PTPRN2: variants seen among roughly 807,000 people sequenced by gnomAD.
The protein encoded by PTPRN2 is receptor-type tyrosine-protein phosphatase N2.
In PTPRN2, 74 loss-of-function variants were observed where a neutral mutation model predicts 118.8. That is an observed-to-expected ratio of 0.62 (90% CI 0.52 to 0.76). The LOEUF is 0.76. Ranked by LOEUF, PTPRN2 falls within the 30% of genes least tolerant of loss-of-function variation. The probability of loss-of-function intolerance (pLI) is 0.00; values close to 1 mark genes in which losing one functional copy is unlikely to be tolerated. For synonymous variants in PTPRN2, 641 were observed against 608.0 expected (o/e 1.05, Z -0.80); for missense variants, 1,481 against 1,394.4 (o/e 1.06, Z -0.99).
chr7:158,523,544 T>C (rs1473599268), intron 1 of PTPRN2, among the ~76,000 whole-genome samples: 3,519 of 46,706 alleles, frequency 0.075, 844 homozygotes, highest in South Asian at 0.21. Context: ...TGCCCTGGAA[T>C]GGAGTCCTCT....
intron 2 of PTPRN2, among the ~76,000 whole-genome samples, chr7:158,470,838 A>G (rs935810952): frequency 2.1e-5 from 3 of 143,940 alleles, no homozygotes; most frequent in African/African-American, 7.6e-5. Context: ...GATCACATGG[A>G]TTTTTTTTTT....
chr7:157,718,367 T>G (rs1382548607), intron 12 of PTPRN2, among the ~76,000 whole-genome samples: 3 of 152,206 alleles, frequency 2.0e-5, no homozygotes, highest in Non-Finnish European at 4.4e-5. Context: ...GCACGGACTT[T>G]CCTGGAGCTC....
intron 7 of PTPRN2, among the ~76,000 whole-genome samples, chr7:158,137,908 C>T (rs982568848): frequency 6.6e-6 from 1 of 152,164 alleles, no homozygotes; most frequent in Non-Finnish European, 1.5e-5. Flanking sequence ...CCAGCAGCCT[C>T]AGAGGACCAA....
At chr7:158,263,643 G>A (rs1046480782) in intron 3 of PTPRN2, among the ~76,000 whole-genome samples, 12 of 152,176 alleles carry the variant, frequency 7.9e-5, no homozygotes, top group South Asian at 2.1e-4. Flanking sequence ...TTCCTCTCCC[G>A]GGCATTCCAG....
intron 13 of PTPRN2, among the ~76,000 whole-genome samples, chr7:157,662,810 C>CT (rs1409751311): frequency 1.3e-5 from 2 of 152,316 alleles, no homozygotes; most frequent in African/African-American, 4.8e-5. Flanking sequence ...GGCGAGCCTT[C>CT]TTTTTGGACA....
intron 12 of PTPRN2, among the ~76,000 whole-genome samples, chr7:157,758,702 G>A (rs1042948427): frequency 4.3e-5 from 6 of 141,132 alleles, no homozygotes; most frequent in South Asian, 2.6e-4. Flanking sequence ...CCTGACCCCC[G>A]CCCATCCACC....
chr7:157,736,155 C>T (rs1800285632), intron 12 of PTPRN2, among the ~76,000 whole-genome samples: 1 of 152,220 alleles, frequency 6.6e-6, no homozygotes, highest in African/African-American at 2.4e-5. Flanking sequence ...CACCCGATCA[C>T]ACCAGCCCGA....
chr7:157,615,457 C>A lies in PTPRN2; in HGVS notation c.2344+5905G>T, dbSNP rs1802700864. On this transcript the variant is annotated intron_variant, in intron 15 of 22. Coordinates refer to ENST00000389418, the MANE Select transcript of PTPRN2 (RefSeq NM_002847.5). This position sits in a 1 kb window ranked among gnomAD's most constrained non-coding sequence, Gnocchi z 4.3. Reference sequence around the variant, plus strand: ...TGAAAAGGAGGTGTTTAGCCCCGAGCCTCACGTGGAAACATCTGATGAGCC... The same window carrying A: ...TGAAAAGGAGGTGTTTAGCCCCGAGACTCACGTGGAAACATCTGATGAGCC... 4.2e-6 allele frequency: 2 copies of A among 471,090 alleles called. No individual in the cohort carries two copies. Among genetic ancestry groups the A allele is most frequent in the South Asian group, 3.1e-5 (2 of 64,572 alleles). 29.2% of individuals were successfully genotyped at this position (471,090 alleles called of 1,614,324 possible).
intron 14 of PTPRN2, among the ~76,000 whole-genome samples, chr7:157,643,045 C>T (rs911185314): frequency 2.0e-5 from 3 of 152,162 alleles, no homozygotes; most frequent in Non-Finnish European, 2.9e-5. Flanking sequence ...TATGATGGGG[C>T]TATGGCAGGA....
chr7:158,374,024 C>G (rs959260202), intron 2 of PTPRN2, among the ~76,000 whole-genome samples: 7 of 152,240 alleles, frequency 4.6e-5, no homozygotes, highest in African/African-American at 1.7e-4. Flanking sequence ...GATGACTGTT[C>G]CCACGGTGGC....
intron 2 of PTPRN2, among the ~76,000 whole-genome samples, chr7:158,403,514 G>A (rs1813104763): frequency 6.6e-6 from 1 of 152,236 alleles, no homozygotes; most frequent in Non-Finnish European, 1.5e-5. Context: ...CGTGCCCGGA[G>A]CAAGCACATT....
chr7:157,975,973 G>A (rs567988772), intron 11 of PTPRN2, among the ~76,000 whole-genome samples: 5 of 152,288 alleles, frequency 3.3e-5, no homozygotes, highest in East Asian at 1.9e-4. Flanking sequence ...TACCCCATGC[G>A]ATGTGGAGAG....
chr7:158,500,408 G>A (rs1822274689), intron 1 of PTPRN2, among the ~76,000 whole-genome samples: 1 of 152,176 alleles, frequency 6.6e-6, no homozygotes, highest in Non-Finnish European at 1.5e-5. Flanking sequence ...CAGGTTAATT[G>A]ACACAGAACA....
rs537323343 is a variant in PTPRN2 at position 157,764,011 on chromosome 7, G to A, written c.1789-81074C>T. ...AGGGAAGCTTTAGTCGCAGCCACAT[G>A]AGTGGAGCATGTGGAGGCTAGGAGA... On this transcript the variant is annotated intron_variant, in intron 12 of 22. Transcript: ENST00000389418. This position sits in a 1 kb window ranked among gnomAD's most constrained non-coding sequence, Gnocchi z 4.5. Among the ~76,000 whole-genome samples the A allele has an allele frequency of 4.6e-5, 7 of 152,332 alleles. No individual in the cohort carries two copies. The East Asian group carries it at 1.2e-3, about 25-fold the overall frequency.
chr7:157,595,051 A>T (rs1163390065), intron 17 of PTPRN2, among the ~76,000 whole-genome samples, 187 bp downstream of exon 17: 1 of 152,236 alleles, frequency 6.6e-6, no homozygotes, highest in African/African-American at 2.4e-5. Flanking sequence ...ATTTTTTCAT[A>T]CTCAAGTTTT....
intron 1 of PTPRN2, among the ~76,000 whole-genome samples, chr7:158,534,294 C>T (rs1400707963): frequency 6.7e-6 from 1 of 149,730 alleles, no homozygotes; most frequent in African/African-American, 2.5e-5. Context: ...GCTGTGGGTG[C>T]AGGTTGTGAC....
In PTPRN2 at chr7:157,591,130, C is replaced by T. The variant is rs1266605892; in HGVS notation, c.2496+4108G>A. ...GGGAAATTTGGACCCTGACATAAAT[C>T]CACGGTGGGGAAAAGCTGTGTGACA... On this transcript the variant is annotated intron_variant, in intron 17 of 22. Coordinates refer to ENST00000389418, the MANE Select transcript of PTPRN2 (RefSeq NM_002847.5). The surrounding 1 kb of genome is among the most constrained non-coding windows in gnomAD (Gnocchi z 4.4). 3.3e-5 allele frequency among the ~76,000 whole-genome samples: 5 copies of T among 152,088 alleles called. No individual in the cohort carries two copies. The highest frequency in any genetic ancestry group is 5.9e-5 in the Non-Finnish European group (4 of 68,014).
chr7:158,120,175 G>A (rs1817043498), intron 9 of PTPRN2, among the ~76,000 whole-genome samples: 2 of 152,198 alleles, frequency 1.3e-5, no homozygotes, highest in Admixed American at 1.3e-4. Flanking sequence ...AGAGTAGAGT[G>A]AAGGCTGCCA....
At chr7:158,288,533 A>G (rs1799902998) in intron 3 of PTPRN2, among the ~76,000 whole-genome samples, 1 of 152,202 alleles carries the variant, frequency 6.6e-6, no homozygotes, top group Admixed American at 6.5e-5. Flanking sequence ...CTAAGTTGGT[A>G]ACAGCTTAAC....
Sources: allele counts gnomAD v4.1 joint callset (sites outside exome capture counted in the v4.1 genomes callset), GRCh38; gene constraint gnomAD v4.1.1; non-coding constraint Gnocchi (gnomAD v3.1); transcripts MANE v1.5; gene names NCBI Gene and HGNC (gene_info 2026-07-23, HGNC 2026-07-21).